DSCAM: variants seen among roughly 807,000 people sequenced by gnomAD.
DSCAM encodes the protein cell adhesion molecule DSCAM.
DSCAM carries 47 observed loss-of-function variants against 217.7 expected under a neutral mutation model. The ratio of observed to expected loss-of-function variants is 0.22; its 90% confidence interval spans 0.17 to 0.28. DSCAM has a LOEUF of 0.28. DSCAM is among the 10% of genes least tolerant of loss of function. DSCAM has a pLI of 1.00. For missense variants in DSCAM, 2,080 were observed against 2,618.3 expected (o/e 0.79, Z 4.49); for synonymous variants, 1,056 against 1,015.3 (o/e 1.04, Z -0.76).
intron 3 of DSCAM, among the ~76,000 whole-genome samples, chr21:40,646,896 C>A (rs1047154150): frequency 1.3e-5 from 2 of 152,210 alleles, no homozygotes; most frequent in Non-Finnish European, 2.9e-5. Context: ...AGCTCGGGAC[C>A]AGTCTCCAAG....
At chr21:40,828,375 T>C (rs1173108884) in intron 1 of DSCAM, among the ~76,000 whole-genome samples, 2 of 152,160 alleles carry the variant, frequency 1.3e-5, no homozygotes, top group Non-Finnish European at 2.9e-5. Context: ...GTAGCGAAGG[T>C]CATGTGTATG....
chr21:40,719,785 T>TG (rs1046981168), intron 1 of DSCAM, among the ~76,000 whole-genome samples: 26 of 152,152 alleles, frequency 1.7e-4, no homozygotes, highest in African/African-American at 5.5e-4. Context: ...AGTTTGCCCG[T>TG]GGGGGTGGGG....
chr21:40,059,223 T>A (rs1011781853), intron 28 of DSCAM, among the ~76,000 whole-genome samples: 1 of 152,212 alleles, frequency 6.6e-6, no homozygotes, highest in African/African-American at 2.4e-5. Context: ...CTGAACTAAT[T>A]TGAACCTTTT....
chr21:40,160,016 C>T lies in DSCAM; in HGVS notation c.3018+7202G>A, dbSNP rs144995491. ...TGTCCAGAGCCATTGGTGGGGTGGG[C>T]GGAATCAGCATCTAGGATAGGGATC... is the stretch of plus-strand genomic sequence containing the variant. On this transcript the variant is annotated intron_variant, in intron 16 of 32. Transcript: ENST00000400454. Among the ~76,000 whole-genome samples, 34 of 152,232 alleles carry T rather than the reference C, an allele frequency of 2.2e-4. No individual in the cohort carries two copies. In the East Asian group the frequency reaches 5.2e-3, roughly 23 times the overall value.
chr21:40,784,190 T>A (rs1427898250), intron 1 of DSCAM, among the ~76,000 whole-genome samples: 1 of 152,108 alleles, frequency 6.6e-6, no homozygotes, highest in East Asian at 1.9e-4. Flanking sequence ...ATTGTAATAA[T>A]CCCCATGTGT....
At chr21:40,703,678 T>C (rs1196700219) in intron 2 of DSCAM, among the ~76,000 whole-genome samples, 1 of 152,248 alleles carries the variant, frequency 6.6e-6, no homozygotes, top group Non-Finnish European at 1.5e-5. Flanking sequence ...AATTTTATTA[T>C]ATTATGATGT....
At chr21:40,817,198 G>A (rs146798729) in intron 1 of DSCAM, among the ~76,000 whole-genome samples, 211 of 151,678 alleles carry the variant, frequency 1.4e-3, no homozygotes, top group African/African-American at 4.8e-3. Context: ...TGACAGCTCC[G>A]GCTTCCCCTT....
chr21:40,722,804 G>C (rs933352752), intron 1 of DSCAM, among the ~76,000 whole-genome samples: 1 of 151,878 alleles, frequency 6.6e-6, no homozygotes, highest in Non-Finnish European at 1.5e-5. Context: ...TAAAGAAACT[G>C]ATAGACCAAA....
chr21:40,721,363 T>C (rs961050547), intron 1 of DSCAM, among the ~76,000 whole-genome samples: 1 of 152,204 alleles, frequency 6.6e-6, no homozygotes, highest in Non-Finnish European at 1.5e-5. Flanking sequence ...TGATACAATT[T>C]GCAAGCATGG....
intron 32 of DSCAM, among the ~76,000 whole-genome samples, chr21:40,014,270 A>C (rs2146405362): frequency 6.6e-6 from 1 of 152,318 alleles, no homozygotes; most frequent in East Asian, 1.9e-4. Flanking sequence ...GGGCGCCTGT[A>C]GTCCCAGTAC....
intron 3 of DSCAM, among the ~76,000 whole-genome samples, chr21:40,685,417 G>A (rs1390138320): frequency 6.6e-6 from 1 of 152,160 alleles, no homozygotes; most frequent in Non-Finnish European, 1.5e-5. Context: ...GGGGAGTCTG[G>A]AACTTTGGCA....
At chr21:40,063,537 T>C (rs1352877476) in intron 27 of DSCAM, among the ~76,000 whole-genome samples, 1 of 152,220 alleles carries the variant, frequency 6.6e-6, no homozygotes, top group Non-Finnish European at 1.5e-5. Context: ...TCCCGTTTCC[T>C]TTAAAATATA....
intron 17 of DSCAM, 98 bp from the exon 18 acceptor site, chr21:40,142,802 C>T: frequency 7.3e-7 from 1 of 1,366,814 alleles, no homozygotes; most frequent in Non-Finnish European, 9.9e-7. Flanking sequence ...AATATGCAAG[C>T]AAAAAATTGC....
intron 1 of DSCAM, among the ~76,000 whole-genome samples, chr21:40,761,486 A>C (rs2091334713): frequency 6.6e-6 from 1 of 151,416 alleles, no homozygotes; most frequent in Admixed American, 6.6e-5. Flanking sequence ...TGTGATCATG[A>C]ATACAGACAT....
At chr21:40,607,046 T>C (rs1002125486) in intron 3 of DSCAM, among the ~76,000 whole-genome samples, 7 of 152,188 alleles carry the variant, frequency 4.6e-5, no homozygotes, top group South Asian at 2.1e-4. Flanking sequence ...TAAACCTTTT[T>C]CCTGTATAAA....
At chr21:40,410,430 C>T (rs1173806797) in intron 3 of DSCAM, among the ~76,000 whole-genome samples, 1 of 151,744 alleles carries the variant, frequency 6.6e-6, no homozygotes, top group Non-Finnish European at 1.5e-5. Context: ...GGACTCCTAT[C>T]AGAGGAAAGA....
At chr21:40,411,737 C>A (rs542006216) in intron 3 of DSCAM, among the ~76,000 whole-genome samples, 37 of 152,028 alleles carry the variant, frequency 2.4e-4, no homozygotes, top group Non-Finnish European at 1.3e-4. Context: ...TAATGAAATA[C>A]GAGATGCCAC....
At chr21:40,093,085 T>C (rs1006707935) in intron 21 of DSCAM, among the ~76,000 whole-genome samples, 1 of 152,292 alleles carries the variant, frequency 6.6e-6, no homozygotes, top group East Asian at 1.9e-4. Context: ...CGTAAGGAAA[T>C]TGACTTATTA....
At chr21:40,689,108 C>A (rs2090513247) in intron 3 of DSCAM, among the ~76,000 whole-genome samples, 1 of 152,210 alleles carries the variant, frequency 6.6e-6, no homozygotes, top group South Asian at 2.1e-4. Flanking sequence ...AAATAAACTA[C>A]TCATTTGTTT....
Sources: allele counts gnomAD v4.1 joint callset (sites outside exome capture counted in the v4.1 genomes callset), GRCh38; gene constraint gnomAD v4.1.1; transcripts MANE v1.5; gene names NCBI Gene and HGNC (gene_info 2026-07-23, HGNC 2026-07-21).